The following MYO9A variants were observed in gnomAD, a reference collection of about 807,000 sequenced individuals.
The protein encoded by MYO9A is myosin IXA.
A neutral mutation model predicts 293.3 loss-of-function variants in MYO9A; 103 were observed. That is an observed-to-expected ratio of 0.35 (90% CI 0.30 to 0.41). The LOEUF is 0.41. MYO9A is among the 10% of genes least tolerant of loss of function. MYO9A has a pLI of 1.00. For missense variants in MYO9A, 2,685 were observed against 3,033.0 expected (o/e 0.89, Z 2.69); for synonymous variants, 1,001 against 1,035.7 (o/e 0.97, Z 0.64).
chr15:71,899,092 T>C (rs1217766530), intron 24 of MYO9A, 60 bp from the exon 25 acceptor site: 47 of 1,401,638 alleles, frequency 3.4e-5, no homozygotes, highest in Non-Finnish European at 3.9e-5. Flanking sequence ...GAAAATAACA[T>C]ATTTCCTGAG....
chr15:71,958,537 T>A (rs1477261386), intron 14 of MYO9A: 1 of 152,150 alleles, frequency 6.6e-6, no homozygotes, highest in Non-Finnish European at 1.5e-5. Context: ...AATTTTAAAG[T>A]TTTTTCCAAG....
chr15:71,885,450 C>T (rs2056991184), intron 27 of MYO9A, among the ~76,000 whole-genome samples: 1 of 152,022 alleles, frequency 6.6e-6, no homozygotes, highest in South Asian at 2.1e-4. Context: ...CGTGTTTCCC[C>T]ATTTCTATCA....
intron 1 of MYO9A, among the ~76,000 whole-genome samples, chr15:72,108,193 CT>C (rs2080643095): frequency 1.3e-5 from 2 of 152,148 alleles, no homozygotes; most frequent in Non-Finnish European, 2.9e-5. Context: ...AAAAAATTTA[CT>C]TTTAAAATGG....
intron 2 of MYO9A, among the ~76,000 whole-genome samples, chr15:72,034,297 T>G (rs1392900185): frequency 6.6e-6 from 1 of 152,156 alleles, no homozygotes; most frequent in Non-Finnish European, 1.5e-5. Flanking sequence ...CCCCTTCGAG[T>G]GGTTCAGATG....
At chr15:71,911,426 C>T (rs1287057091) in intron 19 of MYO9A, among the ~76,000 whole-genome samples, 4 of 152,132 alleles carry the variant, frequency 2.6e-5, no homozygotes, top group Non-Finnish European at 5.9e-5. Context: ...AGTTAGAAGA[C>T]TCCTAGGGAA....
chr15:71,981,359 T>C (rs2076266456), intron 11 of MYO9A, among the ~76,000 whole-genome samples: 2 of 152,244 alleles, frequency 1.3e-5, no homozygotes. Flanking sequence ...ACTGACACTC[T>C]TTCTTCTTTC....
chr15:72,087,773 AT>A (rs941451512), intron 1 of MYO9A, among the ~76,000 whole-genome samples: 5 of 150,628 alleles, frequency 3.3e-5, no homozygotes, highest in East Asian at 2.0e-4. Context: ...TCTTTCTCAT[AT>A]TTTTTTTCCA....
chr15:71,920,279 T>C (rs1008395471), intron 18 of MYO9A, among the ~76,000 whole-genome samples: 6 of 152,174 alleles, frequency 3.9e-5, no homozygotes, highest in Admixed American at 2.0e-4. Context: ...AAAAGATTAA[T>C]GAGATATTGC....
rs1453147268 is a variant in MYO9A at position 71,828,030 on chromosome 15, T to TAAGAC, written c.7041-9_7041-5dup. 6.2e-7 allele frequency: 1 copy of TAAGAC among 1,609,892 alleles called. No individual in the cohort carries two copies. The highest frequency in any genetic ancestry group is 1.7e-5 in the Admixed American group (1 of 59,100). ...CATCTCAAATGTTAGCTCCTCCCTG[T>TAAGAC]AAGACACAATCAAGAAACCATTAGC... On this transcript the variant is annotated splice_region_variant and splice_polypyrimidine_tract_variant and intron_variant, in intron 40 of 41. Transcript: ENST00000356056.
chr15:71,942,005 A>G (rs2058788991), intron 15 of MYO9A, among the ~76,000 whole-genome samples: 1 of 152,110 alleles, frequency 6.6e-6, no homozygotes, highest in South Asian at 2.1e-4. Context: ...TGTTGTTCAC[A>G]ATAGCTCTAA....
At chr15:71,947,538 CT>C (rs2058947987) in intron 15 of MYO9A, among the ~76,000 whole-genome samples, 1 of 152,046 alleles carries the variant, frequency 6.6e-6, no homozygotes, top group Non-Finnish European at 1.5e-5. Context: ...ATTTTTTCAA[CT>C]CATTAGTTAC....
chr15:71,920,093 G>A (rs1278713453), intron 18 of MYO9A, among the ~76,000 whole-genome samples: 3 of 152,100 alleles, frequency 2.0e-5, no homozygotes, highest in Non-Finnish European at 4.4e-5. Context: ...AAATAGGACC[G>A]TAAATCTAGA....
At chr15:72,037,560 G>A (rs1198511024) in intron 2 of MYO9A, among the ~76,000 whole-genome samples, 1 of 152,032 alleles carries the variant, frequency 6.6e-6, no homozygotes, top group East Asian at 1.9e-4. Context: ...AAAGACTGGA[G>A]GCCTTAACTT....
At chr15:72,101,713 C>T (rs1406422204) in intron 1 of MYO9A, among the ~76,000 whole-genome samples, 1 of 140,758 alleles carries the variant, frequency 7.1e-6, no homozygotes, top group Non-Finnish European at 1.5e-5. Flanking sequence ...CCCCGCCCGG[C>T]CAGCCGCCCC....
intron 34 of MYO9A, among the ~76,000 whole-genome samples, chr15:71,855,867 A>C (rs2055844276): frequency 6.6e-6 from 1 of 152,238 alleles, no homozygotes; most frequent in Admixed American, 6.5e-5. Flanking sequence ...TAATTAGTAT[A>C]TAGCAAACTA....
intron 39 of MYO9A, among the ~76,000 whole-genome samples, chr15:71,836,578 CCAT>C (rs993416662): frequency 1.3e-5 from 2 of 151,962 alleles, no homozygotes; most frequent in Non-Finnish European, 2.9e-5. Context: ...ACCCAAATGT[CCAT>C]CAACAGTAGA....
chr15:71,953,479 T>C (rs77832133), intron 14 of MYO9A, among the ~76,000 whole-genome samples: 2,665 of 152,384 alleles, frequency 0.017, 35 homozygotes, highest in Non-Finnish European at 0.026. Flanking sequence ...TAAAGTATTC[T>C]GTATAAGAGC....
In MYO9A at chr15:72,082,625, A is replaced by T. The variant is rs1010035417; in HGVS notation, c.-72+35055T>A. ...GGGCATTCTTGTCTTGTGCCAGATT[A>T]AGACAAATGTTTCCAGTTTTGGCCC... On this transcript the variant is annotated intron_variant, in intron 1 of 41. Coordinates refer to ENST00000356056, the MANE Select transcript of MYO9A (RefSeq NM_006901.4). Among the ~76,000 whole-genome samples, 17 of 152,028 alleles carry T rather than the reference A, an allele frequency of 1.1e-4. 1 individual carries two copies. Among genetic ancestry groups the T allele is most frequent in the African/African-American group, 4.1e-4 (17 of 41,402 alleles).
chr15:72,089,968 G>A (rs1324413069), intron 1 of MYO9A, among the ~76,000 whole-genome samples: 1 of 152,100 alleles, frequency 6.6e-6, no homozygotes, highest in Non-Finnish European at 1.5e-5. Flanking sequence ...CCTCTATTTT[G>A]TTAAGCTGTG....
Sources: gnomAD v4.1 joint callset for allele counts (sites outside exome capture counted in the v4.1 genomes callset) on GRCh38, gnomAD v4.1.1 for gene constraint, MANE v1.5 for transcripts, NCBI Gene and HGNC (gene_info 2026-07-23, HGNC 2026-07-21) for gene names.